KAT6B: variants seen among roughly 807,000 people sequenced by gnomAD.
KAT6B encodes lysine acetyltransferase 6B, also known as histone acetyltransferase KAT6B.
In KAT6B, 10 loss-of-function variants were observed where a neutral mutation model predicts 187.5. The ratio of observed to expected loss-of-function variants is 0.05; its 90% CI spans 0.03 to 0.09. The LOEUF is 0.09. KAT6B is among the 10% of genes least tolerant of loss of function. The pLI is 1.00. For synonymous variants in KAT6B, 861 were observed against 926.8 expected (o/e 0.93, Z 1.29); for missense variants, 1,952 against 2,558.9 (o/e 0.76, Z 5.12).
intron 3 of KAT6B, among the ~76,000 whole-genome samples, chr10:74,854,656 A>G (rs932509096): frequency 2.6e-5 from 4 of 152,180 alleles, no homozygotes; most frequent in African/African-American, 9.7e-5. Context: ...AAGTGGGTTT[A>G]GAATTCTTTA....
intron 2 of KAT6B, among the ~76,000 whole-genome samples, chr10:74,841,224 A>G (rs1233328056): frequency 1.3e-5 from 2 of 152,226 alleles, no homozygotes; most frequent in Admixed American, 6.5e-5. Flanking sequence ...GCAGAGGCAG[A>G]ACTAGCTAGA....
At chr10:74,971,172 C>CT (rs1408942502) in intron 6 of KAT6B, among the ~76,000 whole-genome samples, 1 of 152,154 alleles carries the variant, frequency 6.6e-6, no homozygotes, top group African/African-American at 2.4e-5. Flanking sequence ...TAAATGAACT[C>CT]TAATTTATTT....
rs1029920103 is a variant in KAT6B, at chr10:74,979,319, T to C, written c.2211T>C (p.Pro737=). 1 of 1,611,550 alleles carries C rather than the reference T, an allele frequency of 6.2e-7. No homozygotes were observed. Among genetic ancestry groups the C allele is most frequent in the Admixed American group, 1.7e-5 (1 of 59,994 alleles). ...KYEIQTWYSS[P]YPQEYARLPK... ...AAATCCAAACCTGGTACTCCTCGCC[T>C]TACCCACAGGAATATGCAAGGTAAT... The change falls in exon 10 of 18, where the codon CCT becomes CCC. Residue 737 remains proline (P), a synonymous_variant. Coordinates refer to ENST00000287239, the MANE Select transcript of KAT6B (RefSeq NM_012330.4).
chr10:74,951,984 T>C (rs959831082), intron 3 of KAT6B, among the ~76,000 whole-genome samples: 5 of 152,220 alleles, frequency 3.3e-5, no homozygotes, highest in African/African-American at 1.2e-4. Flanking sequence ...ATGGAACTTA[T>C]GGTTTAGTAA....
intron 13 of KAT6B, among the ~76,000 whole-genome samples, chr10:75,013,962 C>T (rs921777846): frequency 3.3e-5 from 5 of 152,190 alleles, no homozygotes; most frequent in East Asian, 1.9e-4. Context: ...TTTTAAAATA[C>T]GGGTGCCCTG....
intron 3 of KAT6B, among the ~76,000 whole-genome samples, chr10:74,871,606 A>G (rs1175888141): frequency 6.6e-6 from 1 of 152,200 alleles, no homozygotes; most frequent in Non-Finnish European, 1.5e-5. Flanking sequence ...CTAAGACAGG[A>G]GGATTGCTTG....
rs1841829688 is a variant in KAT6B, at chr10:74,842,674, A to G, written c.-184A>G. 1 of 672,726 alleles carries G rather than the reference A, an allele frequency of 1.5e-6. No homozygotes were observed. Among genetic ancestry groups the G allele is most frequent in the Non-Finnish European group, 2.6e-6 (1 of 387,822 alleles). The allele number at this position is 672,726 out of a possible 1,614,324, so 41.7% of individuals were successfully genotyped here. A position where few individuals can be genotyped will look rare whatever the true frequency, so the allele number is the denominator to read the frequency against. ...TGTTGGTAAAATAAGACAACCATCA[A>G]CATTGCCTGTTTGTCTGCTTTTGAA... On this transcript the variant is annotated 5_prime_UTR_variant, in exon 3 of 18. Coordinates refer to ENST00000287239, the MANE Select transcript of KAT6B (RefSeq NM_012330.4).
At chr10:75,008,692 T>G (rs1350566687) in intron 13 of KAT6B, among the ~76,000 whole-genome samples, 2 of 152,196 alleles carry the variant, frequency 1.3e-5, no homozygotes, top group Non-Finnish European at 2.9e-5. Flanking sequence ...TAATGAATGT[T>G]TTTAGAGAGG....
At chr10:74,930,148 C>G (rs948428688) in intron 3 of KAT6B, among the ~76,000 whole-genome samples, 19 of 152,150 alleles carry the variant, frequency 1.2e-4, no homozygotes, top group African/African-American at 3.4e-4. Flanking sequence ...GTCCCGAACT[C>G]CTGGCCTCAG....
chr10:74,874,915 G>C (rs1844297099), intron 3 of KAT6B, among the ~76,000 whole-genome samples: 1 of 151,770 alleles, frequency 6.6e-6, no homozygotes, highest in Admixed American at 6.6e-5. Context: ...AGTGGAAGGG[G>C]CAGAGATTTC....
At chr10:74,923,519 A>T (rs1433794746) in intron 3 of KAT6B, among the ~76,000 whole-genome samples, 1 of 152,164 alleles carries the variant, frequency 6.6e-6, no homozygotes, top group Non-Finnish European at 1.5e-5. Context: ...TTGCTTTTTT[A>T]AATAGTTTGA....
At chr10:74,912,349 T>C (rs903591697) in intron 3 of KAT6B, among the ~76,000 whole-genome samples, 3 of 149,440 alleles carry the variant, frequency 2.0e-5, no homozygotes, top group African/African-American at 5.0e-5. Flanking sequence ...GGTTGAAGGA[T>C]GGATGGATAG....
intron 7 of KAT6B, among the ~76,000 whole-genome samples, chr10:74,973,549 C>T (rs1841976754): frequency 1.3e-5 from 2 of 152,176 alleles, no homozygotes; most frequent in Non-Finnish European, 2.9e-5. Flanking sequence ...GAATCTCACT[C>T]CCTTGCTTAC....
intron 1 of KAT6B, among the ~76,000 whole-genome samples, chr10:74,828,156 A>G (rs1243950427): frequency 6.6e-6 from 1 of 152,184 alleles, no homozygotes; most frequent in African/African-American, 2.4e-5. Context: ...GGGTTAGATT[A>G]CAAATGGTGT....
In KAT6B at chr10:74,979,311, T is replaced by A. The variant is rs1842361640; in HGVS notation, c.2203T>A (p.Ser735Thr). Residue 735 changes from serine (S) to threonine (T), a missense_variant, in exon 10 of 18, where the codon TCC becomes ACC. Physicochemically the swap from Ser to Thr is moderately conservative, Grantham distance 58. Coordinates refer to ENST00000287239, the MANE Select transcript of KAT6B (RefSeq NM_012330.4). ...FGKYEIQTWY[S>T]SPYPQEYARL... ...TAAATATGAAATCCAAACCTGGTAC[T>A]CCTCGCCTTACCCACAGGAATATGC... The A allele has an allele frequency of 6.2e-7, 1 of 1,613,340 alleles. No homozygotes were observed. Among genetic ancestry groups the A allele is most frequent in the Non-Finnish European group, 8.5e-7 (1 of 1,179,286 alleles).
At chr10:74,846,482 A>G (rs1378029979) in intron 3 of KAT6B, among the ~76,000 whole-genome samples, 3 of 152,032 alleles carry the variant, frequency 2.0e-5, no homozygotes. Flanking sequence ...CTCTGTCACC[A>G]GGCTGGAGTA....
At chr10:74,856,622 G>A (rs1257883986) in intron 3 of KAT6B, among the ~76,000 whole-genome samples, 2 of 152,104 alleles carry the variant, frequency 1.3e-5, no homozygotes, top group Non-Finnish European at 2.9e-5. Context: ...TGGGGGTCTG[G>A]GAGTGGTGGC....
At chr10:74,945,453 G>A (rs532536365) in intron 3 of KAT6B, among the ~76,000 whole-genome samples, 7 of 152,274 alleles carry the variant, frequency 4.6e-5, no homozygotes, top group African/African-American at 1.4e-4. Flanking sequence ...TGTATCATTT[G>A]CCCAAACTTT....
intron 4 of KAT6B, among the ~76,000 whole-genome samples, chr10:74,966,755 G>A (rs931986599): frequency 6.6e-6 from 1 of 152,212 alleles, no homozygotes; most frequent in Non-Finnish European, 1.5e-5. Context: ...AGCTGGACGT[G>A]GTGGGGTGTG....
Sources: allele counts gnomAD v4.1 joint callset (sites outside exome capture counted in the v4.1 genomes callset), GRCh38; gene constraint gnomAD v4.1.1; transcripts MANE v1.5; gene names NCBI Gene and HGNC (gene_info 2026-07-23, HGNC 2026-07-21).